Variants in PRKCB observed in about 807,000 individuals in gnomAD.
PRKCB encodes the protein protein kinase C beta.
Under a neutral mutation model 81.5 loss-of-function variants are expected in PRKCB, and 13 were observed. That is an observed-to-expected ratio of 0.16 (90% CI 0.10 to 0.25). The LOEUF (loss-of-function observed/expected upper bound fraction) is 0.25. Ranked by LOEUF, PRKCB falls within the 10% of genes least tolerant of loss-of-function variation. PRKCB has a pLI of 1.00. For synonymous variants in PRKCB, 335 were observed against 321.4 expected (o/e 1.04, Z -0.45); for missense variants, 509 against 875.7 (o/e 0.58, Z 5.29).
intron 16 of PRKCB, among the ~76,000 whole-genome samples, chr16:24,192,038 T>A (rs111445342): frequency 6.6e-6 from 1 of 152,364 alleles, no homozygotes; most frequent in African/African-American, 2.4e-5. Flanking sequence ...GTTGTAAAAC[T>A]ACTGACTGAG....
chr16:23,968,802 A>C (rs1305800136), intron 2 of PRKCB, among the ~76,000 whole-genome samples: 1 of 152,208 alleles, frequency 6.6e-6, no homozygotes, highest in Non-Finnish European at 1.5e-5. Context: ...TGGGTGGCTC[A>C]TGTACTCTCG....
intron 2 of PRKCB, among the ~76,000 whole-genome samples, chr16:23,979,656 G>T (rs752405777): frequency 6.6e-6 from 1 of 152,104 alleles, no homozygotes; most frequent in Non-Finnish European, 1.5e-5. Flanking sequence ...TGAGGAAAGC[G>T]GGGGAGGCTT....
chr16:23,852,801 G>A (rs1338284298), intron 2 of PRKCB, among the ~76,000 whole-genome samples: 1 of 152,124 alleles, frequency 6.6e-6, no homozygotes, highest in Non-Finnish European at 1.5e-5. Context: ...ACTTTCATCT[G>A]TTCCTGAACT....
At chr16:24,108,094 C>A (rs1300242367) in intron 7 of PRKCB, among the ~76,000 whole-genome samples, 3 of 151,928 alleles carry the variant, frequency 2.0e-5, no homozygotes, top group African/African-American at 4.8e-5. Context: ...CGATTGAGAG[C>A]CTTTAGTAAG....
intron 5 of PRKCB, among the ~76,000 whole-genome samples, chr16:24,039,820 C>A (rs1262872308): frequency 1.3e-5 from 2 of 152,212 alleles, no homozygotes; most frequent in African/African-American, 2.4e-5. Flanking sequence ...TTCCCTTGGT[C>A]TCCTGACTGT....
intron 9 of PRKCB, among the ~76,000 whole-genome samples, chr16:24,136,909 ACT>A (rs1966866801): frequency 6.6e-6 from 1 of 151,680 alleles, no homozygotes; most frequent in African/African-American, 2.4e-5. Flanking sequence ...ATGGAGTCTC[ACT>A]CTGTCGCCCA....
At chr16:24,057,345 CA>C (rs1965916165) in intron 5 of PRKCB, among the ~76,000 whole-genome samples, 1 of 152,186 alleles carries the variant, frequency 6.6e-6, no homozygotes, top group African/African-American at 2.4e-5. Flanking sequence ...CCCAAAGTCC[CA>C]TCGCTAGGGA....
intron 2 of PRKCB, among the ~76,000 whole-genome samples, chr16:23,873,154 C>T (rs1962934582): frequency 1.4e-5 from 2 of 144,392 alleles, no homozygotes; most frequent in South Asian, 4.4e-4. Context: ...GTGGCTAAAC[C>T]CCGTCTCTAC....
At position 24,185,178 on chromosome 16, in the gene PRKCB, T is replaced by C; in HGVS notation, c.1601T>C (p.Met534Thr). 1 of 1,613,960 alleles carries C rather than the reference T, an allele frequency of 6.2e-7. No individual in the cohort carries two copies. The highest frequency in any genetic ancestry group is 8.5e-7 in the Non-Finnish European group (1 of 1,179,910). ...WWAFGVLLYE[M>T]LAGQAPFEGE... Reference sequence around the variant, plus strand: ...GCATTTGGAGTCCTGCTGTATGAAATGTTGGCTGGGCAGGTAATTGAATTT... The same window carrying C: ...GCATTTGGAGTCCTGCTGTATGAAACGTTGGCTGGGCAGGTAATTGAATTT... The change falls in exon 14 of 17, where the codon ATG (methionine) becomes ACG (threonine). Residue 534 changes from methionine (M) to threonine (T), a missense_variant. Transcript: ENST00000643927.
At chr16:23,953,264 G>A (rs752848394) in intron 2 of PRKCB, among the ~76,000 whole-genome samples, 45 of 152,110 alleles carry the variant, frequency 3.0e-4, no homozygotes, top group South Asian at 1.2e-3. Flanking sequence ...GCTGTCTACC[G>A]GGGTTTTATT....
chr16:23,885,694 C>T (rs1963187610), intron 2 of PRKCB, among the ~76,000 whole-genome samples: 1 of 152,198 alleles, frequency 6.6e-6, no homozygotes, highest in Non-Finnish European at 1.5e-5. Flanking sequence ...CTACCCAGCT[C>T]CTTCCCCTAG....
chr16:24,116,052 A>T (rs1416814997), intron 8 of PRKCB, among the ~76,000 whole-genome samples: 1 of 152,150 alleles, frequency 6.6e-6, no homozygotes, highest in Non-Finnish European at 1.5e-5. Flanking sequence ...CAGTTACCAC[A>T]CGTGGTATAT....
rs117154348 is a variant in PRKCB, at chr16:24,086,074, T to C, written c.530-6717T>C. ...ATCAGAGCCTATCAGGTGAAGATTA[T>C]ACAGCATGGCCAGTTACAGAGGCTG... is the stretch of plus-strand genomic sequence containing the variant. On this transcript the variant is annotated intron_variant, in intron 5 of 16. Transcript: ENST00000643927. Among the ~76,000 whole-genome samples, 15 of 152,222 alleles carry C rather than the reference T, an allele frequency of 9.9e-5. No homozygotes were observed. In the East Asian group the frequency reaches 2.1e-3, roughly 22 times the overall value.
chr16:23,836,406 G>T (rs1597201209), intron 1 of PRKCB, 58 bp downstream of exon 1: 1 of 1,566,962 alleles, frequency 6.4e-7, no homozygotes, highest in Non-Finnish European at 8.6e-7. Flanking sequence ...CCGCGCCAGG[G>T]ACCCCCTCTC....
In PRKCB at chr16:23,857,719, T is replaced by A. The variant is rs559130599; in HGVS notation, c.205+20313T>A. Among the ~76,000 whole-genome samples, 39 of 148,596 alleles carry A rather than the reference T, an allele frequency of 2.6e-4. No individual in the cohort carries two copies. The East Asian group carries it at 4.0e-3, about 15-fold the overall frequency. ...GAGGATGTGAGAGAGAGAGAGAGAGTGTGTGTGTGTGTGTGGGTGTGTGCG... is the reference window on the plus strand; with the variant it reads ...GAGGATGTGAGAGAGAGAGAGAGAGAGTGTGTGTGTGTGTGGGTGTGTGCG... On this transcript the variant is annotated intron_variant, in intron 2 of 16. Transcript: ENST00000643927.
intron 9 of PRKCB, among the ~76,000 whole-genome samples, chr16:24,149,270 T>C (rs1967039998): frequency 6.6e-6 from 1 of 152,190 alleles, no homozygotes; most frequent in African/African-American, 2.4e-5. Flanking sequence ...CTGGCTCTGA[T>C]TGGAGGAGTA....
At chr16:23,904,859 G>A (rs1963532228) in intron 2 of PRKCB, among the ~76,000 whole-genome samples, 1 of 152,008 alleles carries the variant, frequency 6.6e-6, no homozygotes, top group Admixed American at 6.6e-5. Context: ...AAGAGGCAAG[G>A]ACAGATGGAG....
intron 2 of PRKCB, among the ~76,000 whole-genome samples, chr16:23,974,889 G>A (rs1164550452): frequency 6.6e-6 from 1 of 152,150 alleles, no homozygotes; most frequent in Non-Finnish European, 1.5e-5. Flanking sequence ...ATCAGCTCCA[G>A]CTGTTTTCTG....
chr16:24,090,588 T>C (rs1465910569), intron 5 of PRKCB, among the ~76,000 whole-genome samples: 1 of 152,094 alleles, frequency 6.6e-6, no homozygotes, highest in Non-Finnish European at 1.5e-5. Flanking sequence ...TGAATCTGGA[T>C]ATGAATGGAG....
Sources: allele counts gnomAD v4.1 joint callset (sites outside exome capture counted in the v4.1 genomes callset), GRCh38; gene constraint gnomAD v4.1.1; transcripts MANE v1.5; gene names NCBI Gene and HGNC (gene_info 2026-07-23, HGNC 2026-07-21).